ABCA12: variants seen among roughly 807,000 people sequenced by gnomAD.
ABCA12 encodes the protein ATP binding cassette subfamily A member 12, also known as glucosylceramide transporter ABCA12.
A neutral mutation model predicts 293.5 loss-of-function variants in ABCA12; 156 were observed. That is an observed-to-expected ratio of 0.53 (90% CI 0.47 to 0.61). The LOEUF (loss-of-function observed/expected upper bound fraction) is 0.61. ABCA12 is among the 20% of genes least tolerant of loss of function. The pLI, the probability that ABCA12 is intolerant of heterozygous loss-of-function variation, is 0.00. For missense variants in ABCA12, 2,797 were observed against 3,090.2 expected, an observed-to-expected ratio of 0.91 and a Z score of 2.25; for synonymous variants, 1,063 against 1,108.0, an observed-to-expected ratio of 0.96 and a Z score of 0.81.
At chr2:215,002,336 C>A (rs1279293715) in intron 20 of ABCA12, among the ~76,000 whole-genome samples, 1 of 152,074 alleles carries the variant, frequency 6.6e-6, no homozygotes, top group Non-Finnish European at 1.5e-5. Context: ...ATTAATCTGA[C>A]AAAATGATCA....
At chr2:215,007,384 CAAAGGAGAGTAATTT>C (rs1700277517) in intron 19 of ABCA12, among the ~76,000 whole-genome samples, 1 of 152,092 alleles carries the variant, frequency 6.6e-6, no homozygotes, top group Admixed American at 6.5e-5. Flanking sequence ...GTTAAGATAG[CAAAGGAGAGTAATTT>C]AAAGGAGAGA....
chr2:214,968,935 AC>A, intron 37 of ABCA12, 128 bp from the exon 38 acceptor site: 1 of 715,128 alleles, frequency 1.4e-6, no homozygotes, highest in Non-Finnish European at 2.4e-6. Context: ...TAAAATGAAT[AC>A]TTCCTGACAA....
chr2:215,106,440 G>A (rs1030877994), intron 2 of ABCA12, among the ~76,000 whole-genome samples: 10 of 152,262 alleles, frequency 6.6e-5, no homozygotes, highest in Middle Eastern at 3.4e-3. Context: ...CCTCAGGACC[G>A]CCATCGGTGA....
chr2:215,019,778 A>C lies in ABCA12; in HGVS notation c.1306T>G (p.Leu436Val). 2 of 1,612,634 alleles carry C rather than the reference A, an allele frequency of 1.2e-6. No homozygotes were observed. Among genetic ancestry groups the C allele is most frequent in the Non-Finnish European group, 1.7e-6 (2 of 1,180,026 alleles). Residue 436 changes from leucine (L) to valine (V), a missense_variant, in exon 12 of 53, where the codon TTG becomes GTG. Leu to Val is a conservative substitution (Grantham distance 32, BLOSUM62 1). Coordinates refer to ENST00000272895, the MANE Select transcript of ABCA12 (RefSeq NM_173076.3). ...TCAGATTCACAAAGAAGTTCGGTCA[A>C]GTTTCGAAGTTGAGACAGCTTTCCA... ...LKSKLSQLRNLTELLCESETF... is the reference protein window; with the variant it reads ...LKSKLSQLRNVTELLCESETF...
At position 215,064,089 on chromosome 2, in the gene ABCA12, A is replaced by G. The variant is rs551548576; in HGVS notation, c.294T>C (p.Ile98=). Residue 98 remains isoleucine, a synonymous_variant, in exon 3 of 53, where the codon ATT becomes ATC. Transcript: ENST00000272895. ...ACCTGTCTTTAAATAGTGCATCATC[A>G]ATTCCTTTCCTACGAAGCAGATCTT... ...GPQDLLRRKG[I]DDALFKDSEI... 13 of 1,612,930 alleles carry G rather than the reference A, an allele frequency of 8.1e-6. No homozygotes were observed. The South Asian group carries it at 1.1e-4, about 14-fold the overall frequency.
chr2:215,094,810 A>G (rs1010291164), intron 2 of ABCA12, among the ~76,000 whole-genome samples: 1 of 152,010 alleles, frequency 6.6e-6, no homozygotes, highest in Non-Finnish European at 1.5e-5. Flanking sequence ...CCCCATTACA[A>G]CCTCTAACAG....
chr2:215,031,621 T>C (rs1254036673), intron 9 of ABCA12, among the ~76,000 whole-genome samples, 200 bp downstream of exon 9: 1 of 152,230 alleles, frequency 6.6e-6, no homozygotes, highest in Non-Finnish European at 1.5e-5. Context: ...TCTTGTGCAA[T>C]GCTTAAATAT....
At chr2:215,011,415 A>T in intron 17 of ABCA12, 24 bp downstream of exon 17, 1 of 1,544,796 alleles carries the variant, frequency 6.5e-7, no homozygotes, top group Non-Finnish European at 8.9e-7. Context: ...GGCAACTGTC[A>T]TGCTTATTTT....
chr2:215,069,914 G>A (rs1480696187), intron 2 of ABCA12, among the ~76,000 whole-genome samples: 8 of 152,150 alleles, frequency 5.3e-5, no homozygotes. Flanking sequence ...ATAGTTCTTA[G>A]CACAATGCTT....
At chr2:215,087,696 G>C (rs1340728721) in intron 2 of ABCA12, among the ~76,000 whole-genome samples, 2 of 152,188 alleles carry the variant, frequency 1.3e-5, no homozygotes, top group African/African-American at 2.4e-5. Context: ...GAGTGAGCAA[G>C]TGAGTGCTAG....
At chr2:215,125,969 T>C (rs183831406) in intron 1 of ABCA12, among the ~76,000 whole-genome samples, 1 of 152,268 alleles carries the variant, frequency 6.6e-6, no homozygotes, top group Non-Finnish European at 1.5e-5. Flanking sequence ...GGTATGTCCC[T>C]TGTATGCCGA....
chr2:215,097,783 G>A (rs1454334428), intron 2 of ABCA12, among the ~76,000 whole-genome samples: 2 of 152,082 alleles, frequency 1.3e-5, no homozygotes, highest in Non-Finnish European at 2.9e-5. Flanking sequence ...AAGCCCTAAC[G>A]TTAAACCTGC....
At chr2:214,950,772 T>A in intron 45 of ABCA12, 107 bp downstream of exon 45, 1 of 1,261,966 alleles carries the variant, frequency 7.9e-7, no homozygotes, top group South Asian at 1.2e-5. Flanking sequence ...CCCAAAGTGC[T>A]AAGATTACAG....
intron 50 of ABCA12, among the ~76,000 whole-genome samples, chr2:214,938,856 G>T (rs1249116369): frequency 6.6e-6 from 1 of 151,888 alleles, no homozygotes; most frequent in Non-Finnish European, 1.5e-5. Flanking sequence ...TCTGGATGTT[G>T]GCCCTTTGTC....
At chr2:215,122,855 T>C (rs1702836908) in intron 1 of ABCA12, among the ~76,000 whole-genome samples, 1 of 152,194 alleles carries the variant, frequency 6.6e-6, no homozygotes, top group Non-Finnish European at 1.5e-5. Context: ...ATTACATGTG[T>C]AATGGTGAGG....
intron 1 of ABCA12, among the ~76,000 whole-genome samples, chr2:215,125,311 G>A (rs1162201853): frequency 6.6e-6 from 1 of 152,062 alleles, no homozygotes; most frequent in Non-Finnish European, 1.5e-5. Context: ...ATGAATTTTA[G>A]AATTACTTTT....
intron 39 of ABCA12, among the ~76,000 whole-genome samples, chr2:214,964,937 G>C (rs1306300464): frequency 6.6e-6 from 1 of 151,996 alleles, no homozygotes; most frequent in African/African-American, 2.4e-5. Context: ...TAAGTAAAAA[G>C]AACAAAGCTG....
Position 214,978,360 on chromosome 2 carries a change from G to C in ABCA12, c.5084C>G (p.Pro1695Arg). 1.2e-6 allele frequency: 2 copies of C among 1,614,030 alleles called. No individual in the cohort carries two copies. Among genetic ancestry groups the C allele is most frequent in the Non-Finnish European group, 1.7e-6 (2 of 1,179,964 alleles). ...GCTGCTGCTCACAGATAAATCGTCA[G>C]GAGTTGAGATGCCATTGGCATTGGA... ...GNSNANGIST[P>R]DDLSVSSSNF... Residue 1695 changes from proline to arginine, a missense_variant, in exon 33 of 53, where the codon CCT (proline) becomes CGT (arginine). By Grantham distance (103) the Pro-to-Arg change is moderately radical (BLOSUM62 -2). Around this residue, in one of 3 missense-constraint regions of ABCA12, gnomAD observed 2,130 missense variants for 2,427.0 expected, o/e 0.88. Coordinates refer to ENST00000272895, the MANE Select transcript of ABCA12 (RefSeq NM_173076.3).
At chr2:214,952,762 T>TA (rs1340887321) in intron 44 of ABCA12, among the ~76,000 whole-genome samples, 1 of 152,252 alleles carries the variant, frequency 6.6e-6, no homozygotes, top group East Asian at 1.9e-4. Context: ...ACCAAGCATT[T>TA]AAGAGATTCC....
Sources: gnomAD v4.1 joint callset for allele counts (sites outside exome capture counted in the v4.1 genomes callset) on GRCh38, gnomAD v4.1.1 for gene constraint, gnomAD v4.1.1 regional missense constraint, MANE v1.5 for transcripts, NCBI Gene and HGNC (gene_info 2026-07-23, HGNC 2026-07-21) for gene names.